The following AOAH variants were observed in gnomAD, a reference collection of about 807,000 sequenced individuals.
The protein encoded by AOAH is acyloxyacyl hydrolase, also known as acyloxyacyl hydrolase (neutrophil).
In AOAH, 64 loss-of-function variants were observed where a neutral mutation model predicts 92.2. The observed-to-expected ratio is 0.69, with a 90% CI of 0.57 to 0.86. The LOEUF is 0.86. Among genes scored for constraint, AOAH ranks in the 40% least tolerant of loss-of-function variants. The probability of loss-of-function intolerance (pLI) is 0.00; values close to 1 mark genes in which losing one functional copy is unlikely to be tolerated. For synonymous variants in AOAH, 263 were observed against 254.5 expected (o/e 1.03, Z -0.32); for missense variants, 656 against 694.6 (o/e 0.94, Z 0.62).
chr7:36,540,336 T>C lies in AOAH; in HGVS notation c.1289A>G (p.Asn430Ser). 6.2e-7 allele frequency: 1 copy of C among 1,612,952 alleles called. No homozygotes were observed. The highest frequency in any genetic ancestry group is 8.5e-7 in the Non-Finnish European group (1 of 1,179,508). The change falls in exon 16 of 21, where the codon AAC becomes AGC. Residue 430 changes from asparagine to serine, a missense_variant. Physicochemically the swap from Asn to Ser is conservative, Grantham distance 46. Coordinates refer to ENST00000617537, the MANE Select transcript of AOAH (RefSeq NM_001637.4). ...DGTFLWDNLHNRYHPLGQLNK... is the reference protein window; with the variant it reads ...DGTFLWDNLHSRYHPLGQLNK... ...ACTGATACCGAGAGGATGATATCTG[T>C]TGTGCAAATTATCCCAGAGAAAGGT...
At chr7:36,670,066 G>GTTT (rs200284787) in intron 3 of AOAH, among the ~76,000 whole-genome samples, 8 of 150,532 alleles carry the variant, frequency 5.3e-5, no homozygotes, top group African/African-American at 1.5e-4. Context: ...TCCTTTTTTT[G>GTTT]TTTTTTTTTT....
intron 1 of AOAH, among the ~76,000 whole-genome samples, chr7:36,713,854 A>G (rs1798945667): frequency 6.6e-6 from 1 of 152,202 alleles, no homozygotes; most frequent in Non-Finnish European, 1.5e-5. Flanking sequence ...TATAGCACTA[A>G]ATGCCCACAA....
intron 20 of AOAH, chr7:36,514,476 T>C (rs1038615110): frequency 1.3e-6 from 2 of 1,534,700 alleles, no homozygotes; most frequent in South Asian, 2.4e-5. Flanking sequence ...GCTTACTCTC[T>C]GGTTCTGCTG....
At chr7:36,564,321 G>C (rs1348250440) in intron 13 of AOAH, among the ~76,000 whole-genome samples, 1 of 152,180 alleles carries the variant, frequency 6.6e-6, no homozygotes, top group Admixed American at 6.5e-5. Flanking sequence ...CCTTTCACCA[G>C]AAACACAATG....
intron 13 of AOAH, among the ~76,000 whole-genome samples, chr7:36,560,333 A>G (rs1787165760): frequency 6.6e-6 from 1 of 152,202 alleles, no homozygotes; most frequent in Admixed American, 6.5e-5. Flanking sequence ...CAGTATGGCC[A>G]TTTTAACAAT....
intron 20 of AOAH, among the ~76,000 whole-genome samples, chr7:36,515,690 CACAT>C (rs370815701): frequency 0.054 from 6,363 of 118,744 alleles, 365 homozygotes; most frequent in East Asian, 0.12. Flanking sequence ...ACACCACACA[CACAT>C]AATCACACAC....
chr7:36,685,338 T>C (rs953180831), intron 2 of AOAH, among the ~76,000 whole-genome samples: 2 of 152,050 alleles, frequency 1.3e-5, no homozygotes. Context: ...ATAAAATAAT[T>C]TTACCATAAA....
chr7:36,686,559 C>G (rs985227510), intron 2 of AOAH, 140 bp downstream of exon 2: 1 of 452,764 alleles, frequency 2.2e-6, no homozygotes, highest in Non-Finnish European at 3.7e-6. Context: ...TTTCTATAAG[C>G]CCCACAAGAA....
rs531394483 is a variant in AOAH at position 36,621,680 on chromosome 7, T to G, written c.653+30A>C. ...CTGCTTCCTTTTCTGAAGATAATTT[T>G]AAAAATCAGCAACCAGCAGAAATAG... On this transcript the variant is annotated intron_variant, in intron 8 of 20. Coordinates refer to ENST00000617537, the MANE Select transcript of AOAH (RefSeq NM_001637.4). 42 of 1,610,214 alleles carry G rather than the reference T, an allele frequency of 2.6e-5. No homozygotes were observed. The African/African-American group carries it at 4.7e-4, about 18-fold the overall frequency.
At chr7:36,661,797 A>G (rs916615719) in intron 3 of AOAH, among the ~76,000 whole-genome samples, 2 of 151,316 alleles carry the variant, frequency 1.3e-5, no homozygotes, top group Non-Finnish European at 2.9e-5. Context: ...TGCTCCCTTC[A>G]CTCTCCTCTC....
At chr7:36,650,969 A>G (rs4620191) in intron 4 of AOAH, among the ~76,000 whole-genome samples, 124,709 of 152,160 alleles carry the variant, frequency 0.82, 51,412 homozygotes, top group African/African-American at 0.92. Flanking sequence ...CCAGCAGGGG[A>G]ACAAGGCGCT....
chr7:36,580,590 C>T (rs1788861877), intron 12 of AOAH, among the ~76,000 whole-genome samples: 2 of 151,856 alleles, frequency 1.3e-5, no homozygotes, highest in Non-Finnish European at 2.9e-5. Context: ...GCTTTTTTTC[C>T]CCTTTGTTTC....
intron 1 of AOAH, among the ~76,000 whole-genome samples, chr7:36,692,133 G>C: frequency 6.6e-6 from 1 of 152,158 alleles, no homozygotes; most frequent in South Asian, 2.1e-4. Flanking sequence ...TACAGCAAAG[G>C]CTATCTGTAC....
chr7:36,514,805 T>G (rs916294381), intron 20 of AOAH: 1 of 499,694 alleles, frequency 2.0e-6, no homozygotes, highest in Non-Finnish European at 3.6e-6. Flanking sequence ...ATAGGCAGCG[T>G]AGCCAACTCC....
rs1783756243 is a variant in AOAH at position 36,516,991 on chromosome 7, C to T, written c.1600-3611G>A. 6.6e-6 allele frequency among the ~76,000 whole-genome samples: 1 copy of T among 152,252 alleles called. No homozygotes were observed. The highest frequency in any genetic ancestry group is 1.5e-5 in the Non-Finnish European group (1 of 68,010). ...TGAGACTGGCATGCTTATCACCAAA[C>T]TAGAGACTTGTGATAAAATGATCCA... On this transcript the variant is annotated intron_variant, in intron 20 of 20. Coordinates refer to ENST00000617537, the MANE Select transcript of AOAH (RefSeq NM_001637.4). The surrounding 1 kb of genome is among the most constrained non-coding windows in gnomAD (Gnocchi z 5.0).
chr7:36,710,809 T>G (rs150487938), intron 1 of AOAH, among the ~76,000 whole-genome samples: 39 of 152,346 alleles, frequency 2.6e-4, no homozygotes, highest in African/African-American at 9.4e-4. Flanking sequence ...ATTTCACAAC[T>G]TCTGGAGCAC....
chr7:36,562,949 C>T (rs1299546885), intron 13 of AOAH, among the ~76,000 whole-genome samples: 1 of 151,838 alleles, frequency 6.6e-6, no homozygotes, highest in Non-Finnish European at 1.5e-5. Context: ...GAGTTCGAGA[C>T]CAACCTGGCC....
chr7:36,672,660 C>G (rs748553287), intron 3 of AOAH, among the ~76,000 whole-genome samples: 29 of 151,964 alleles, frequency 1.9e-4, no homozygotes, highest in Non-Finnish European at 3.5e-4. Flanking sequence ...AGGACAAATA[C>G]CTAATGAATG....
intron 3 of AOAH, 107 bp from the exon 4 acceptor site, chr7:36,659,372 C>G: frequency 1.1e-6 from 1 of 875,424 alleles, no homozygotes; most frequent in East Asian, 2.6e-5. Context: ...CTAATACCCT[C>G]AACTCCTTGC....
Sources: allele counts gnomAD v4.1 joint callset (sites outside exome capture counted in the v4.1 genomes callset), GRCh38; gene constraint gnomAD v4.1.1; non-coding constraint Gnocchi (gnomAD v3.1); transcripts MANE v1.5; gene names NCBI Gene and HGNC (gene_info 2026-07-23, HGNC 2026-07-21).